Variants in EYS observed in about 807,000 individuals in gnomAD.
EYS encodes the protein EGF-like photoreceptor maintenance factor.
Under a neutral mutation model 282.1 loss-of-function variants are expected in EYS, and 250 were observed. The ratio of observed to expected loss-of-function variants is 0.89; its 90% CI spans 0.80 to 0.98. The LOEUF (loss-of-function observed/expected upper bound fraction) is 0.98. Among genes scored for constraint, EYS ranks in the 50% least tolerant of loss-of-function variants. The probability of loss-of-function intolerance (pLI) is 0.00; values close to 1 mark genes in which losing one functional copy is unlikely to be tolerated. For synonymous variants in EYS, 1,355 were observed against 1,282.9 expected (o/e 1.06, Z -1.20); for missense variants, 4,016 against 3,709.0 (o/e 1.08, Z -2.15).
intron 35 of EYS, among the ~76,000 whole-genome samples, chr6:63,889,456 G>A (rs1220713966): frequency 6.6e-6 from 1 of 152,144 alleles, no homozygotes; most frequent in Non-Finnish European, 1.5e-5. Flanking sequence ...AGAAGAGTGG[G>A]TGTCAATATT....
intron 29 of EYS, among the ~76,000 whole-genome samples, chr6:64,333,236 T>C (rs191581238): frequency 2.0e-5 from 3 of 152,254 alleles, no homozygotes; most frequent in Admixed American, 1.3e-4. Context: ...AATGCTATCA[T>C]ATACAAACCC....
chr6:64,437,202 G>T (rs1455041252), intron 27 of EYS, among the ~76,000 whole-genome samples: 1 of 151,656 alleles, frequency 6.6e-6, no homozygotes, highest in Non-Finnish European at 1.5e-5. Context: ...AATTATTGGA[G>T]ACTTGTAGGA....
At chr6:65,201,417 C>T (rs1336114929) in intron 12 of EYS, among the ~76,000 whole-genome samples, 1 of 151,990 alleles carries the variant, frequency 6.6e-6, no homozygotes, top group African/African-American at 2.4e-5. Flanking sequence ...AACTAATTTC[C>T]TTTATAAATT....
chr6:64,174,721 G>A (rs1445268163), intron 31 of EYS, among the ~76,000 whole-genome samples: 1 of 151,838 alleles, frequency 6.6e-6, no homozygotes, highest in Admixed American at 6.6e-5. Context: ...ATTATTTAGT[G>A]TAAAAGACTT....
intron 36 of EYS, among the ~76,000 whole-genome samples, chr6:63,840,209 A>AGCTTATTATTATTATTATTATTAT (rs748732292): frequency 3.3e-5 from 2 of 60,598 alleles, no homozygotes; most frequent in Admixed American, 1.8e-4. Flanking sequence ...CACCATGCCC[A>AGCTTATTATTATTATTATTATTAT]TCTTATTATT....
At chr6:64,338,481 C>T (rs1448286141) in intron 29 of EYS, among the ~76,000 whole-genome samples, 2 of 151,676 alleles carry the variant, frequency 1.3e-5, no homozygotes, top group Non-Finnish European at 2.9e-5. Flanking sequence ...AAATCGTAGA[C>T]AACACAAACA....
chr6:65,261,427 G>C (rs1431773885), intron 12 of EYS, among the ~76,000 whole-genome samples: 1 of 151,874 alleles, frequency 6.6e-6, no homozygotes, highest in African/African-American at 2.4e-5. Flanking sequence ...CTCCTCTGTT[G>C]TTAAGCAGCA....
chr6:64,845,645 G>A (rs952594396), intron 19 of EYS, among the ~76,000 whole-genome samples: 2 of 151,768 alleles, frequency 1.3e-5, no homozygotes, highest in African/African-American at 2.4e-5. Flanking sequence ...GGTAACTCAC[G>A]AAAATTCATT....
Position 64,591,864 on chromosome 6 carries a change from C to A in EYS, c.4003G>T (p.Ala1335Ser), listed in dbSNP as rs761342525. 1.7e-5 allele frequency: 27 copies of A among 1,551,110 alleles called. No homozygotes were observed. The highest frequency in any genetic ancestry group is 5.9e-5 in the Admixed American group (3 of 50,950). The change falls in exon 26 of 43, where the codon GCA becomes TCA. Residue 1335 changes from alanine (A) to serine (S), a missense_variant. Coordinates refer to ENST00000503581, the MANE Select transcript of EYS (RefSeq NM_001142800.2). ...QELIVTRELS[A>S]KHSLLSSADV... ...GCGGAAGAAAGAAGACTGTGTTTTG[C>A]TGAAAGCTCTCTAGTGACAATCAGT... is the stretch of plus-strand genomic sequence containing the variant.
chr6:63,838,359 T>G (rs917822089), intron 36 of EYS, among the ~76,000 whole-genome samples: 2 of 152,192 alleles, frequency 1.3e-5, no homozygotes, highest in Non-Finnish European at 2.9e-5. Context: ...AGCTGGATTT[T>G]GTTAAACGTT....
At chr6:65,263,609 G>T (rs1483823445) in intron 12 of EYS, among the ~76,000 whole-genome samples, 1 of 151,526 alleles carries the variant, frequency 6.6e-6, no homozygotes, top group Non-Finnish European at 1.5e-5. Context: ...ATGAATATTG[G>T]AACAATAAAA....
At chr6:64,558,165 A>G (rs1436051022) in intron 26 of EYS, among the ~76,000 whole-genome samples, 1 of 152,136 alleles carries the variant, frequency 6.6e-6, no homozygotes, top group Non-Finnish European at 1.5e-5. Flanking sequence ...TATTTTCTAA[A>G]TATGTATTTT....
intron 22 of EYS, among the ~76,000 whole-genome samples, chr6:64,666,123 A>T (rs1055938732): frequency 6.6e-6 from 1 of 152,212 alleles, no homozygotes; most frequent in Non-Finnish European, 1.5e-5. Context: ...AGAGGAGCAG[A>T]AAAATAACTA....
chr6:64,280,339 C>T (rs887641256), intron 30 of EYS, among the ~76,000 whole-genome samples: 4 of 152,040 alleles, frequency 2.6e-5, no homozygotes, highest in South Asian at 2.1e-4. Flanking sequence ...GACTTAACCT[C>T]ACCTAGATAA....
intron 28 of EYS, among the ~76,000 whole-genome samples, chr6:64,404,790 A>G (rs1273236011): frequency 1.3e-5 from 2 of 152,264 alleles, no homozygotes; most frequent in East Asian, 3.9e-4. Context: ...TGGCAGAATT[A>G]GGTAAGAGTG....
chr6:63,937,184 C>A (rs1343555329), intron 35 of EYS, among the ~76,000 whole-genome samples: 1 of 151,776 alleles, frequency 6.6e-6, no homozygotes, highest in Non-Finnish European at 1.5e-5. Flanking sequence ...TCCTTGTCCT[C>A]AAGTAGTGGG....
At chr6:65,120,814 G>T (rs1775525125) in intron 12 of EYS, among the ~76,000 whole-genome samples, 1 of 152,036 alleles carries the variant, frequency 6.6e-6, no homozygotes, top group African/African-American at 2.4e-5. Context: ...CATCTATATA[G>T]ATGAAATAAT....
chr6:63,993,555 A>T (rs1160516424), intron 34 of EYS, among the ~76,000 whole-genome samples: 1 of 151,874 alleles, frequency 6.6e-6, no homozygotes, highest in African/African-American at 2.4e-5. Flanking sequence ...ATAAGAAAAC[A>T]ATTTTATCTA....
intron 35 of EYS, among the ~76,000 whole-genome samples, chr6:63,959,869 G>T (rs1223534592): frequency 6.6e-6 from 1 of 152,044 alleles, no homozygotes; most frequent in Non-Finnish European, 1.5e-5. Context: ...GGAGTGGGGG[G>T]TAAGGGAAGG....
Sources: allele counts gnomAD v4.1 joint callset (sites outside exome capture counted in the v4.1 genomes callset), GRCh38; gene constraint gnomAD v4.1.1; transcripts MANE v1.5; gene names NCBI Gene and HGNC (gene_info 2026-07-23, HGNC 2026-07-21).